PLPPR1: variants seen among roughly 807,000 people sequenced by gnomAD.
PLPPR1 encodes phospholipid phosphatase related 1.
PLPPR1 carries 10 observed loss-of-function variants against 33.1 expected under a neutral mutation model. The observed-to-expected ratio is 0.30, with a 90% CI of 0.19 to 0.51. The LOEUF is 0.51. Among genes scored for constraint, PLPPR1 ranks in the 20% least tolerant of loss-of-function variants. The probability of loss-of-function intolerance (pLI) is 0.97; values close to 1 mark genes in which losing one functional copy is unlikely to be tolerated. For missense variants in PLPPR1, 304 were observed against 408.1 expected, an observed-to-expected ratio of 0.74 and a Z score of 2.20; for synonymous variants, 151 against 151.0, an observed-to-expected ratio of 1.00 and a Z score of 0.00.
At chr9:101,303,018 G>A (rs528271528) in intron 4 of PLPPR1, among the ~76,000 whole-genome samples, 19 of 152,230 alleles carry the variant, frequency 1.2e-4, no homozygotes, top group African/African-American at 2.4e-4. Flanking sequence ...ACAGAGTCTC[G>A]CTCTGTTGCC....
chr9:101,247,371 T>C (rs962452393), intron 2 of PLPPR1, among the ~76,000 whole-genome samples: 16 of 152,006 alleles, frequency 1.1e-4, no homozygotes, highest in African/African-American at 3.4e-4. Flanking sequence ...GATGACCACA[T>C]TGGGTCTTAC....
At chr9:101,180,024 C>T (rs753609754) in intron 1 of PLPPR1, among the ~76,000 whole-genome samples, 1 of 148,446 alleles carries the variant, frequency 6.7e-6, no homozygotes, top group Non-Finnish European at 1.5e-5. Context: ...GCTCTCGTTG[C>T]TCCTCAGCCT....
At chr9:101,064,530 A>C (rs917490301) in intron 1 of PLPPR1, among the ~76,000 whole-genome samples, 2 of 152,020 alleles carry the variant, frequency 1.3e-5, no homozygotes, top group African/African-American at 4.8e-5. Context: ...TCAGAAGCAC[A>C]TTGACATTTA....
At chr9:101,150,022 T>A (rs1831562848) in intron 1 of PLPPR1, among the ~76,000 whole-genome samples, 1 of 152,144 alleles carries the variant, frequency 6.6e-6, no homozygotes, top group Admixed American at 6.5e-5. Context: ...TTAAGCCTCT[T>A]CACTGTATCC....
chr9:101,098,989 T>C (rs560059262), intron 1 of PLPPR1, among the ~76,000 whole-genome samples: 1 of 152,260 alleles, frequency 6.6e-6, no homozygotes, highest in East Asian at 1.9e-4. Flanking sequence ...TGCTCAGTCC[T>C]GGGTTCAAAG....
chr9:101,268,168 G>A (rs993315001), intron 2 of PLPPR1, among the ~76,000 whole-genome samples: 11 of 151,602 alleles, frequency 7.3e-5, no homozygotes, highest in Admixed American at 5.9e-4. Flanking sequence ...GAATTAATGA[G>A]TGCAGCACAC....
At chr9:101,071,572 G>GA (rs1199302341) in intron 1 of PLPPR1, among the ~76,000 whole-genome samples, 1 of 150,936 alleles carries the variant, frequency 6.6e-6, no homozygotes, top group African/African-American at 2.4e-5. Context: ...TGGAGAAACA[G>GA]AAAAAATCAT....
Position 101,244,699 on chromosome 9 carries a change from A to G in PLPPR1, c.64-25181A>G, listed in dbSNP as rs146622217. Among the ~76,000 whole-genome samples the G allele has an allele frequency of 2.5e-3, 380 of 152,094 alleles. 2 individuals carry two copies. The highest frequency in any genetic ancestry group is 8.9e-3 in the African/African-American group (368 of 41,558). On this transcript the variant is annotated intron_variant, in intron 2 of 7. Coordinates refer to ENST00000374874, the MANE Select transcript of PLPPR1 (RefSeq NM_207299.2). ...TCTAGGTTGACATACAATAAAATGC[A>G]TCTTTGATGTAGTGAAAATCATACT...
At chr9:101,303,309 G>C (rs1297923120) in intron 4 of PLPPR1, among the ~76,000 whole-genome samples, 1 of 148,432 alleles carries the variant, frequency 6.7e-6, no homozygotes, top group African/African-American at 2.5e-5. Context: ...TTGGTTTGTT[G>C]CTGTTGTTTG....
intron 4 of PLPPR1, among the ~76,000 whole-genome samples, chr9:101,304,598 A>G (rs10512279): frequency 0.41 from 61,796 of 152,102 alleles, 13,364 homozygotes; most frequent in African/African-American, 0.57. Flanking sequence ...TTTTTCCAAC[A>G]TCCGATGTGA....
At chr9:101,252,071 C>T (rs1827722677) in intron 2 of PLPPR1, among the ~76,000 whole-genome samples, 1 of 152,088 alleles carries the variant, frequency 6.6e-6, no homozygotes, top group Non-Finnish European at 1.5e-5. Context: ...ACTTACACTT[C>T]GTTCATGGTA....
At chr9:101,121,067 C>A (rs779365019) in intron 1 of PLPPR1, among the ~76,000 whole-genome samples, 3 of 152,150 alleles carry the variant, frequency 2.0e-5, no homozygotes, top group Non-Finnish European at 4.4e-5. Context: ...TCTCTGATGG[C>A]CAGATCAGAT....
intron 1 of PLPPR1, among the ~76,000 whole-genome samples, chr9:101,131,919 T>G (rs949618400): frequency 6.6e-6 from 1 of 152,210 alleles, no homozygotes; most frequent in African/African-American, 2.4e-5. Context: ...ATGGTGATAA[T>G]GATAGTGTCT....
intron 2 of PLPPR1, among the ~76,000 whole-genome samples, chr9:101,253,952 C>G (rs1356544495): frequency 6.6e-6 from 1 of 151,984 alleles, no homozygotes; most frequent in East Asian, 1.9e-4. Flanking sequence ...TTCTCTGCTT[C>G]TTTTCTGTTT....
chr9:101,228,446 T>G (rs1827116376), intron 2 of PLPPR1, among the ~76,000 whole-genome samples: 1 of 152,162 alleles, frequency 6.6e-6, no homozygotes, highest in South Asian at 2.1e-4. Context: ...GATACCTGCC[T>G]CACCAACTAG....
chr9:101,142,794 C>A (rs563259842), intron 1 of PLPPR1, among the ~76,000 whole-genome samples: 1 of 152,080 alleles, frequency 6.6e-6, no homozygotes, highest in South Asian at 2.1e-4. Context: ...ACAGGACAGA[C>A]AAAGCCCCTG....
At chr9:101,122,949 T>A (rs947170387) in intron 1 of PLPPR1, among the ~76,000 whole-genome samples, 1 of 152,172 alleles carries the variant, frequency 6.6e-6, no homozygotes, top group Non-Finnish European at 1.5e-5. Flanking sequence ...TAAATAGCTT[T>A]TCTTAAGTAC....
intron 2 of PLPPR1, among the ~76,000 whole-genome samples, chr9:101,269,146 G>A (rs571288177): frequency 4.0e-5 from 6 of 151,744 alleles, no homozygotes; most frequent in African/African-American, 7.2e-5. Context: ...TCTAAACTTC[G>A]GTGAGTATCT....
chr9:101,111,984 A>G (rs1831062851), intron 1 of PLPPR1, among the ~76,000 whole-genome samples: 1 of 152,164 alleles, frequency 6.6e-6, no homozygotes, highest in Admixed American at 6.5e-5. Flanking sequence ...CTCCCTTCCC[A>G]ACCACATAAT....
Sources: gnomAD v4.1 joint callset for allele counts (sites outside exome capture counted in the v4.1 genomes callset) on GRCh38, gnomAD v4.1.1 for gene constraint, MANE v1.5 for transcripts, NCBI Gene and HGNC (gene_info 2026-07-23, HGNC 2026-07-21) for gene names.